PCBP2: variants seen among roughly 807,000 people sequenced by gnomAD.
The protein encoded by PCBP2 is poly(rC) binding protein 2.
In PCBP2, 4 loss-of-function variants were observed where a neutral mutation model predicts 50.1. That is an observed-to-expected ratio of 0.08 (90% confidence interval 0.04 to 0.18). The LOEUF (loss-of-function observed/expected upper bound fraction) is 0.18. PCBP2 is among the 10% of genes least tolerant of loss of function. The pLI is 1.00. For synonymous variants in PCBP2, 179 were observed against 168.0 expected, an observed-to-expected ratio of 1.07 and a Z score of -0.51; for missense variants, 161 against 474.3, an observed-to-expected ratio of 0.34 and a Z score of 6.14.
In PCBP2 at chr12:53,460,938, C is replaced by G. The variant is rs1030215370; in HGVS notation, c.376-77C>G. On this transcript the variant is annotated intron_variant, in intron 6 of 14. Coordinates refer to ENST00000546463, the MANE Select transcript of PCBP2 (RefSeq NM_031989.5). ...GATAAATATCTACTAGAGTTTTAGGCTCTGAAATTGCTGCTGGAGGAATTG... is the reference window on the plus strand; with the variant it reads ...GATAAATATCTACTAGAGTTTTAGGGTCTGAAATTGCTGCTGGAGGAATTG... 5 of 1,499,860 alleles carry G rather than the reference C, an allele frequency of 3.3e-6. No individual in the cohort carries two copies. The African/African-American group carries it at 5.5e-5, about 17-fold the overall frequency. 92.9% of individuals were successfully genotyped at this position (1,499,860 alleles called of 1,614,324 possible). A position where few individuals can be genotyped will look rare whatever the true frequency, so the allele number is the denominator to read the frequency against.
Position 53,478,230 on chromosome 12 carries a change from C to T in PCBP2, c.1053-1176C>T, listed in dbSNP as rs187472559. ...AAACTTTTTAAAGAACTTTTTAAGG[C>T]CGGGTGTGGTGGCTCATGCCTAATC... On this transcript the variant is annotated intron_variant, in intron 14 of 14. Coordinates refer to ENST00000546463, the MANE Select transcript of PCBP2 (RefSeq NM_031989.5). Among the ~76,000 whole-genome samples, 51 of 152,294 alleles carry T rather than the reference C, an allele frequency of 3.3e-4. 1 individual carries two copies. Among genetic ancestry groups the T allele is most frequent in the Non-Finnish European group, 5.9e-5 (4 of 68,022 alleles).
At chr12:53,475,357 G>A (rs1431628328) in intron 14 of PCBP2, 1 of 361,896 alleles carries the variant, frequency 2.8e-6, no homozygotes, top group African/African-American at 2.1e-5. Flanking sequence ...TGGGGGTGGG[G>A]GAGTGGTAAC....
intron 14 of PCBP2, 23 bp from the exon 15 acceptor site, chr12:53,479,381 CTG>C (rs750071776): frequency 1.2e-6 from 2 of 1,612,346 alleles, no homozygotes; most frequent in South Asian, 1.1e-5. Flanking sequence ...GGGAAACTAA[CTG>C]AGTTCTTGTT....
chr12:53,471,456 T>G (rs934474063), intron 13 of PCBP2, among the ~76,000 whole-genome samples, 182 bp from the exon 14 acceptor site: 2 of 151,266 alleles, frequency 1.3e-5, no homozygotes, highest in African/African-American at 4.9e-5. Context: ...CATGCGCCTG[T>G]AGTCCTGCTG....
intron 5 of PCBP2, among the ~76,000 whole-genome samples, chr12:53,458,643 ATTTTTTT>A (rs3049328): frequency 8.1e-6 from 1 of 123,326 alleles, no homozygotes; most frequent in Non-Finnish European, 1.8e-5. Flanking sequence ...ATTTGACTTA[ATTTTTTT>A]TTTTTTTTTG....
chr12:53,454,963 T>C, intron 2 of PCBP2, 94 bp downstream of exon 2: 1 of 1,038,390 alleles, frequency 9.6e-7, no homozygotes, highest in Non-Finnish European at 1.5e-6. Flanking sequence ...AGATTAGCAC[T>C]GTGGGGCATC....
intron 8 of PCBP2, among the ~76,000 whole-genome samples, chr12:53,464,287 T>A (rs1941663046): frequency 6.6e-6 from 1 of 151,638 alleles, no homozygotes; most frequent in African/African-American, 2.4e-5. Flanking sequence ...ACCTCCCCCT[T>A]CATACCTCTT....
rs1026631464 is a variant in PCBP2 at position 53,480,224 on chromosome 12, T to G, written c.*782T>G. 34 of 152,338 alleles carry G rather than the reference T, an allele frequency of 2.2e-4. No homozygotes were observed. The highest frequency in any genetic ancestry group is 7.5e-4 in the African/African-American group (31 of 41,580). The allele number at this position is 152,338 out of a possible 1,614,324, so 9.4% of individuals were successfully genotyped here. On this transcript the variant is annotated 3_prime_UTR_variant, in exon 15 of 15. Transcript: ENST00000546463. ...GTTGGTCCCCTTGTTCAGGCTTGCATATTTTAAACTAAAAATTTCAGTCTA... is the reference window on the plus strand; with the variant it reads ...GTTGGTCCCCTTGTTCAGGCTTGCAGATTTTAAACTAAAAATTTCAGTCTA...
intron 8 of PCBP2, among the ~76,000 whole-genome samples, chr12:53,463,683 A>G (rs993006696): frequency 2.6e-5 from 4 of 152,180 alleles, no homozygotes; most frequent in Non-Finnish European, 4.4e-5. Flanking sequence ...CCAATAACGT[A>G]GGGACACCTA....
In PCBP2 at chr12:53,465,951, A is replaced by G; in HGVS notation, c.692A>G (p.Gln231Arg). The G allele has an allele frequency of 6.2e-7, 1 of 1,613,964 alleles. No individual in the cohort carries two copies. The highest frequency in any genetic ancestry group is 8.5e-7 in the Non-Finnish European group (1 of 1,179,812). ...TTGTAGGCCTATACCATTCAAGGACAGTATGCCATTCCACAGCCAGATGTA... is the reference window on the plus strand; with the variant it reads ...TTGTAGGCCTATACCATTCAAGGACGGTATGCCATTCCACAGCCAGATGTA... ...PPLEAYTIQG[Q>R]YAIPQPDLTK... The change falls in exon 10 of 15, where the codon CAG becomes CGG. Residue 231 changes from glutamine to arginine, a missense_variant. By Grantham distance (43) the Gln-to-Arg change is conservative (BLOSUM62 1). This residue lies in a region of PCBP2 where 51 missense variants were observed against 193.0 expected (regional missense o/e 0.26). Coordinates refer to ENST00000546463, the MANE Select transcript of PCBP2 (RefSeq NM_031989.5).
At chr12:53,460,382 A>G (rs1016752129) in intron 6 of PCBP2, 4 of 403,344 alleles carry the variant, frequency 9.9e-6, no homozygotes, top group Non-Finnish European at 1.5e-5. Flanking sequence ...TGAGCTTCCG[A>G]TGATTCGACT....
intron 14 of PCBP2, among the ~76,000 whole-genome samples, chr12:53,474,000 C>T (rs1942408826): frequency 6.6e-6 from 1 of 152,148 alleles, no homozygotes; most frequent in Admixed American, 6.5e-5. Context: ...GCTCAATTGT[C>T]CAGGCACACT....
chr12:53,476,398 G>A (rs1263500341), intron 14 of PCBP2, among the ~76,000 whole-genome samples: 3 of 152,172 alleles, frequency 2.0e-5, no homozygotes, highest in African/African-American at 7.2e-5. Flanking sequence ...AACAACTTAA[G>A]CTTTACTTTT....
intron 14 of PCBP2, chr12:53,474,988 C>T (rs937558809): frequency 2.6e-5 from 12 of 456,734 alleles, no homozygotes; most frequent in African/African-American, 6.0e-5. Context: ...ACCACCCCCT[C>T]GCTCGCCACA....
In PCBP2 at chr12:53,479,674, T is replaced by TTTTTTTTTTTTG; in HGVS notation, c.*241_*242insTTGTTTTTTTTT. ...TAGTTTTATAAGCTTCTCCCTGGTT[T>TTTTTTTTTTTTG]TTTTTTTTTGGCTCATGAATTTTTC... On this transcript the variant is annotated 3_prime_UTR_variant, in exon 15 of 15. Coordinates refer to ENST00000546463, the MANE Select transcript of PCBP2 (RefSeq NM_031989.5). 2.6e-6 allele frequency: 1 copy of TTTTTTTTTTTTG among 385,566 alleles called. No individual in the cohort carries two copies. The highest frequency in any genetic ancestry group is 4.6e-6 in the Non-Finnish European group (1 of 215,934). The allele number at this position is 385,566 out of a possible 1,614,324, so 23.9% of individuals were successfully genotyped here.
chr12:53,470,834 G>C (rs1942178634), intron 13 of PCBP2, among the ~76,000 whole-genome samples: 1 of 151,580 alleles, frequency 6.6e-6, no homozygotes, highest in Non-Finnish European at 1.5e-5. Context: ...CGGTATAGGA[G>C]GGTGGTAATC....
intron 6 of PCBP2, 102 bp downstream of exon 6, chr12:53,459,505 G>A (rs1238228766): frequency 2.0e-6 from 2 of 988,068 alleles, no homozygotes; most frequent in Non-Finnish European, 3.0e-6. Flanking sequence ...GATTTTTATT[G>A]AAGTAACAGT....
At chr12:53,476,851 G>A (rs566343724) in intron 14 of PCBP2, among the ~76,000 whole-genome samples, 2 of 152,096 alleles carry the variant, frequency 1.3e-5, no homozygotes, top group Non-Finnish European at 2.9e-5. Context: ...CCCTTGGTAA[G>A]CTTGCTCCTC....
At chr12:53,462,420 C>A in intron 7 of PCBP2, 73 bp from the exon 8 acceptor site, 1 of 1,249,340 alleles carries the variant, frequency 8.0e-7, no homozygotes, top group Non-Finnish European at 1.1e-6. Flanking sequence ...CCTGTGTGAG[C>A]TAAAGCCACA....
Sources: allele counts gnomAD v4.1 joint callset (sites outside exome capture counted in the v4.1 genomes callset), GRCh38; gene constraint gnomAD v4.1.1; regional missense constraint gnomAD v4.1.1; transcripts MANE v1.5; gene names NCBI Gene and HGNC (gene_info 2026-07-23, HGNC 2026-07-21).